Variants in TWIST2 observed in about 807,000 individuals in gnomAD.
The protein encoded by TWIST2 is twist-related protein 2.
Under a neutral mutation model 11.6 loss-of-function variants are expected in TWIST2, and 1 was observed. That is an observed-to-expected ratio of 0.09 (90% confidence interval 0.03 to 0.41). The LOEUF (loss-of-function observed/expected upper bound fraction) is 0.41, where lower values mean the gene tolerates loss of function less well. Among genes scored for constraint, TWIST2 ranks in the 10% least tolerant of loss-of-function variants. TWIST2 has a pLI of 0.98. For missense variants in TWIST2, 168 were observed against 226.4 expected (o/e 0.74, Z 1.66); for synonymous variants, 87 against 96.6 (o/e 0.90, Z 0.58).
At chr2:238,905,018 GAAGA>G (rs1381898904) in intron 1 of TWIST2, among the ~76,000 whole-genome samples, 2 of 151,224 alleles carry the variant, frequency 1.3e-5, no homozygotes, top group Non-Finnish European at 3.0e-5. Flanking sequence ...AGGAAGGAAG[GAAGA>G]AAGAAGTAGG....
At chr2:238,894,316 C>T (rs1693181778) in intron 1 of TWIST2, among the ~76,000 whole-genome samples, 2 of 152,164 alleles carry the variant, frequency 1.3e-5, no homozygotes, top group African/African-American at 4.8e-5. Flanking sequence ...CCCGAGATGA[C>T]TCCTCCTCTC....
At chr2:238,908,623 T>A (rs1275662913) in intron 1 of TWIST2, among the ~76,000 whole-genome samples, 1 of 152,238 alleles carries the variant, frequency 6.6e-6, no homozygotes, top group Non-Finnish European at 1.5e-5. Context: ...TGGTATATAA[T>A]ATACCATATG....
In TWIST2 at chr2:238,864,227, G is replaced by A. The variant is rs151116524; in HGVS notation, c.*35+15494G>A. Among the ~76,000 whole-genome samples, 3,014 of 152,304 alleles carry A rather than the reference G, an allele frequency of 0.02. 40 individuals carry two copies. Among genetic ancestry groups the A allele is most frequent in the South Asian group, 0.038 (184 of 4,810 alleles). ...GGGGGACCTCTCGGGCTGTGCCGTG[G>A]TATCCTCTCTTCTCCACATTACACC... On this transcript the variant is annotated intron_variant, in intron 1 of 1. Transcript: ENST00000612363. This position sits in a 1 kb window ranked among gnomAD's most constrained non-coding sequence, Gnocchi z 4.7.
At chr2:238,891,204 G>A (rs551706650) in intron 1 of TWIST2, among the ~76,000 whole-genome samples, 2 of 152,172 alleles carry the variant, frequency 1.3e-5, no homozygotes, top group African/African-American at 2.4e-5. Flanking sequence ...TTCCAGAGCC[G>A]TCCCCAGCTC....
intron 1 of TWIST2, among the ~76,000 whole-genome samples, chr2:238,873,905 G>A (rs531910977): frequency 6.6e-6 from 1 of 152,334 alleles, no homozygotes; most frequent in Admixed American, 6.5e-5. Context: ...GACTGGAAAT[G>A]GGAACGTCAT....
At chr2:238,857,146 G>C (rs1315504589) in intron 1 of TWIST2, among the ~76,000 whole-genome samples, 3 of 152,264 alleles carry the variant, frequency 2.0e-5, no homozygotes, top group East Asian at 1.9e-4. Context: ...GGCACCATGG[G>C]CATGGTGCCC....
At chr2:238,903,612 GGT>G (rs1216520704) in intron 1 of TWIST2, among the ~76,000 whole-genome samples, 2 of 144,440 alleles carry the variant, frequency 1.4e-5, no homozygotes, top group Non-Finnish European at 3.0e-5. Flanking sequence ...TGTGATGTGG[GGT>G]GTGTGTGATG....
At chr2:238,902,703 G>A (rs1229193227) in intron 1 of TWIST2, among the ~76,000 whole-genome samples, 60 of 140,836 alleles carry the variant, frequency 4.3e-4, no homozygotes, top group African/African-American at 1.4e-3. Flanking sequence ...GGTGTGATGT[G>A]TGAGGTGTGT....
intron 1 of TWIST2, among the ~76,000 whole-genome samples, chr2:238,907,969 A>G (rs1412599797): frequency 7.3e-5 from 11 of 149,958 alleles, no homozygotes; most frequent in African/African-American, 2.7e-4. Flanking sequence ...CATACCACAC[A>G]CTACACACAC....
intron 1 of TWIST2, among the ~76,000 whole-genome samples, chr2:238,859,357 C>G (rs954035473): frequency 1.3e-5 from 2 of 151,772 alleles, no homozygotes; most frequent in Non-Finnish European, 2.9e-5. Flanking sequence ...CAAATCCATA[C>G]AGGCAGAAAG....
intron 1 of TWIST2, among the ~76,000 whole-genome samples, chr2:238,856,929 C>A (rs1692341515): frequency 6.6e-6 from 1 of 152,170 alleles, no homozygotes; most frequent in South Asian, 2.1e-4. Context: ...CCTGTTTGGT[C>A]CCAGGCATCA....
chr2:238,885,310 C>T lies in TWIST2; in HGVS notation c.*36-24532C>T, dbSNP rs529949766. Among the ~76,000 whole-genome samples the T allele has an allele frequency of 2.0e-4, 30 of 152,328 alleles. 1 individual carries two copies. The South Asian group carries it at 5.2e-3, about 26-fold the overall frequency. On this transcript the variant is annotated intron_variant, in intron 1 of 1. Transcript: ENST00000612363. ...GTGCCACACAGTACCTGGCCAAAGC[C>T]GTCATGCTGCCCGACTCAGCTTGCT...
intron 1 of TWIST2, among the ~76,000 whole-genome samples, chr2:238,878,294 T>C (rs1692842907): frequency 6.6e-6 from 1 of 152,218 alleles, no homozygotes; most frequent in African/African-American, 2.4e-5. Context: ...AGCTCACTTA[T>C]CTGGGTCTGG....
chr2:238,855,551 C>G (rs993800161), intron 1 of TWIST2, among the ~76,000 whole-genome samples: 1 of 152,198 alleles, frequency 6.6e-6, no homozygotes, highest in African/African-American at 2.4e-5. Flanking sequence ...TTTCGCATTC[C>G]TTGTTTTCTG....
chr2:238,854,972 G>C (rs944646527), intron 1 of TWIST2, among the ~76,000 whole-genome samples: 1 of 152,188 alleles, frequency 6.6e-6, no homozygotes, highest in African/African-American at 2.4e-5. Context: ...TGAGTGGTTC[G>C]TGTGGCCGGT....
At position 238,894,706 on chromosome 2, in the gene TWIST2, T is replaced by TCCCATCTCTGCCTGTGCCC. The variant is rs1363287833; in HGVS notation, c.*36-15135_*36-15117dup. On this transcript the variant is annotated intron_variant, in intron 1 of 1. Coordinates refer to ENST00000612363, the MANE Select transcript of TWIST2 (RefSeq NM_001271893.4). ...CTCTCCCCACCTTCCTGGCTGTGCC[T>TCCCATCTCTGCCTGTGCCC]CCCATCTCTGCCTGTGCCCACGAGG... is the stretch of plus-strand genomic sequence containing the variant. Among the ~76,000 whole-genome samples the TCCCATCTCTGCCTGTGCCC allele has an allele frequency of 5.8e-3, 885 of 151,976 alleles. 6 individuals carry two copies. The highest frequency in any genetic ancestry group is 9.6e-3 in the Non-Finnish European group (650 of 67,970).
At chr2:238,902,745 G>GGGGT (rs1559284719) in intron 1 of TWIST2, among the ~76,000 whole-genome samples, 6 of 107,970 alleles carry the variant, frequency 5.6e-5, no homozygotes, top group South Asian at 3.3e-4. Context: ...GTGTGTGATG[G>GGGGT]GTGTGATGGG....
At chr2:238,849,357 A>G (rs1692198557) in intron 1 of TWIST2, among the ~76,000 whole-genome samples, 2 of 152,186 alleles carry the variant, frequency 1.3e-5, no homozygotes, top group Admixed American at 6.5e-5. Context: ...ACGGGAGGAA[A>G]CTGCCCTGCG....
chr2:238,889,151 A>T (rs913650102), intron 1 of TWIST2, among the ~76,000 whole-genome samples: 2 of 152,172 alleles, frequency 1.3e-5, no homozygotes, highest in South Asian at 2.1e-4. Context: ...GCCCAAAAGA[A>T]GAGCCAGGTT....
Sources: gnomAD v4.1 joint callset for allele counts (sites outside exome capture counted in the v4.1 genomes callset) on GRCh38, gnomAD v4.1.1 for gene constraint, Gnocchi (gnomAD v3.1) non-coding constraint, MANE v1.5 for transcripts, NCBI Gene and HGNC (gene_info 2026-07-23, HGNC 2026-07-21) for gene names.